Variants in PTPRN2 observed in about 807,000 individuals in gnomAD.
The protein encoded by PTPRN2 is protein tyrosine phosphatase receptor type N2.
Under a neutral mutation model 118.8 loss-of-function variants are expected in PTPRN2, and 74 were observed. The observed-to-expected ratio is 0.62, with a 90% CI of 0.52 to 0.76. The LOEUF is 0.76. PTPRN2 is among the 30% of genes least tolerant of loss of function. The probability of loss-of-function intolerance (pLI) is 0.00; values close to 1 mark genes in which losing one functional copy is unlikely to be tolerated. For missense variants in PTPRN2, 1,481 were observed against 1,394.4 expected, an observed-to-expected ratio of 1.06 and a Z score of -0.99; for synonymous variants, 641 against 608.0, an observed-to-expected ratio of 1.05 and a Z score of -0.80.
intron 11 of PTPRN2, among the ~76,000 whole-genome samples, chr7:157,957,460 A>G (rs11773068): frequency 0.62 from 93,663 of 152,046 alleles, 32,180 homozygotes; most frequent in Non-Finnish European, 0.8. Flanking sequence ...AATCCCTAAG[A>G]AAAACACTGA....
chr7:157,598,811 C>T lies in PTPRN2; in HGVS notation c.2419-3496G>A, dbSNP rs1801499538. On this transcript the variant is annotated intron_variant, in intron 16 of 22. Coordinates refer to ENST00000389418, the MANE Select transcript of PTPRN2 (RefSeq NM_002847.5). The surrounding 1 kb of genome is among the most constrained non-coding windows in gnomAD (Gnocchi z 5.2). The stretch of plus-strand genomic sequence containing the variant: ...TCAAGCACAGAGCTGCTGTGTCCTC[C>T]AGTGGTGTGCGGGGCCAAGCATCTG... 6.6e-6 allele frequency among the ~76,000 whole-genome samples: 1 copy of T among 152,184 alleles called. No individual in the cohort carries two copies. The highest frequency in any genetic ancestry group is 6.5e-5 in the Admixed American group (1 of 15,278).
At chr7:157,776,491 C>T (rs1585435244) in intron 12 of PTPRN2, among the ~76,000 whole-genome samples, 3 of 145,864 alleles carry the variant, frequency 2.1e-5, no homozygotes, top group Admixed American at 6.8e-5. Flanking sequence ...TCCTCCCTCT[C>T]CTTCTCCCTC....
rs73512359 is a variant in PTPRN2, at chr7:158,113,850, C to T, written c.1557-2935G>A. On this transcript the variant is annotated intron_variant, in intron 9 of 22. Transcript: ENST00000389418. ...CAGGACTTCGAGGCACGTAGCAATC[C>T]GGGACCAGCTGGGGCACAGGCCGCC... Among the ~76,000 whole-genome samples, 1,092 of 152,192 alleles carry T rather than the reference C, an allele frequency of 7.2e-3. 20 individuals are homozygous for T. Among genetic ancestry groups the T allele is most frequent in the African/African-American group, 0.025 (1,043 of 41,528 alleles).
At chr7:157,660,384 G>C (rs997993532) in intron 13 of PTPRN2, among the ~76,000 whole-genome samples, 5 of 152,132 alleles carry the variant, frequency 3.3e-5, no homozygotes, top group Non-Finnish European at 5.9e-5. Context: ...AAGCCACCAA[G>C]AGGCCCCACA....
chr7:158,452,111 T>A (rs1340677200), intron 2 of PTPRN2, among the ~76,000 whole-genome samples: 1 of 152,158 alleles, frequency 6.6e-6, no homozygotes, highest in African/African-American at 2.4e-5. Context: ...TTCTATTCTT[T>A]CCCTTCAATC....
chr7:158,273,917 G>A (rs1320322426), intron 3 of PTPRN2, among the ~76,000 whole-genome samples: 1 of 144,420 alleles, frequency 6.9e-6, no homozygotes, highest in African/African-American at 2.7e-5. Flanking sequence ...CGCGGGAGGA[G>A]CCGCAGACAC....
chr7:157,784,771 C>T lies in PTPRN2; in HGVS notation c.1789-101834G>A, dbSNP rs1221415967. Reference sequence around the variant, plus strand: ...CTCGACATTTCACCGCAAACCCTGACCCCACACCCGGCCTCTCTGCAGCTA... The same window carrying T: ...CTCGACATTTCACCGCAAACCCTGATCCCACACCCGGCCTCTCTGCAGCTA... On this transcript the variant is annotated intron_variant, in intron 12 of 22. Transcript: ENST00000389418. The surrounding 1 kb of genome is among the most constrained non-coding windows in gnomAD (Gnocchi z 4.6). 6.6e-6 allele frequency among the ~76,000 whole-genome samples: 1 copy of T among 152,166 alleles called. No homozygotes were observed. Among genetic ancestry groups the T allele is most frequent in the Non-Finnish European group, 1.5e-5 (1 of 68,042 alleles).
chr7:157,642,839 A>AAAAAAAAAAAAC (rs1563293062), intron 14 of PTPRN2, among the ~76,000 whole-genome samples: 1 of 148,344 alleles, frequency 6.7e-6, no homozygotes, highest in Non-Finnish European at 1.5e-5. Context: ...AAAAAAAAAA[A>AAAAAAAAAAAAC]AAAAAGCAGC....
chr7:158,432,642 AC>A (rs1816306096), intron 2 of PTPRN2, among the ~76,000 whole-genome samples: 1 of 152,218 alleles, frequency 6.6e-6, no homozygotes, highest in Admixed American at 6.5e-5. Flanking sequence ...CACTTTACAA[AC>A]TTTTTGTTGA....
At chr7:157,970,639 C>T (rs1263669216) in intron 11 of PTPRN2, among the ~76,000 whole-genome samples, 2 of 149,682 alleles carry the variant, frequency 1.3e-5, no homozygotes, top group Non-Finnish European at 3.0e-5. Flanking sequence ...AGAGCGGACC[C>T]CCCCCCCCAC....
chr7:158,585,218 G>C (rs1828847326), intron 1 of PTPRN2, among the ~76,000 whole-genome samples: 1 of 152,190 alleles, frequency 6.6e-6, no homozygotes, highest in Non-Finnish European at 1.5e-5. Context: ...ATTGTGTTCT[G>C]ACAAAATGGC....
intron 12 of PTPRN2, among the ~76,000 whole-genome samples, chr7:157,744,659 A>G (rs1325893482): frequency 6.6e-6 from 1 of 152,156 alleles, no homozygotes; most frequent in Non-Finnish European, 1.5e-5. Context: ...TTCATGTTTA[A>G]ATGTGTGAGG....
chr7:157,855,766 G>T (rs1382269826), intron 12 of PTPRN2, among the ~76,000 whole-genome samples: 1 of 152,184 alleles, frequency 6.6e-6, no homozygotes, highest in Non-Finnish European at 1.5e-5. Context: ...ACTTTTAGAG[G>T]ATGAGGAAAA....
chr7:158,313,495 T>C (rs540824589), intron 3 of PTPRN2, among the ~76,000 whole-genome samples: 1 of 152,286 alleles, frequency 6.6e-6, no homozygotes, highest in African/African-American at 2.4e-5. Flanking sequence ...CTGATACACC[T>C]GGGCAGACGC....
intron 3 of PTPRN2, among the ~76,000 whole-genome samples, chr7:158,269,737 G>T (rs1296148651): frequency 9.1e-6 from 1 of 110,252 alleles, no homozygotes; most frequent in Non-Finnish European, 1.8e-5. Context: ...GAAACAGAGA[G>T]ACAGAGACAG....
intron 2 of PTPRN2, among the ~76,000 whole-genome samples, chr7:158,453,001 G>T (rs1383330557): frequency 6.6e-6 from 1 of 152,244 alleles, no homozygotes; most frequent in Non-Finnish European, 1.5e-5. Flanking sequence ...GCAGCTGCAG[G>T]GCTGGGCATG....
chr7:158,466,717 T>C (rs1819413091), intron 2 of PTPRN2, among the ~76,000 whole-genome samples: 1 of 152,204 alleles, frequency 6.6e-6, no homozygotes, highest in African/African-American at 2.4e-5. Flanking sequence ...TTTTAATTTC[T>C]TGAGGAACCT....
Position 158,147,627 on chromosome 7 carries a change from T to G in PTPRN2, c.911-9112A>C, listed in dbSNP as rs867953767. On this transcript the variant is annotated intron_variant, in intron 6 of 22. Transcript: ENST00000389418. ...GACACCCCATCTCACGCCACGTGTC[T>G]TTCCCCCTCAATGACACCCCATCTC... Among the ~76,000 whole-genome samples the G allele has an allele frequency of 8.9e-5, 5 of 56,146 alleles. No individual in the cohort carries two copies. The East Asian group carries it at 2.0e-3, about 22-fold the overall frequency. 36.8% of individuals were successfully genotyped at this position (56,146 alleles called of 152,430 possible).
intron 21 of PTPRN2, among the ~76,000 whole-genome samples, chr7:157,566,711 G>A (rs1799503019): frequency 6.6e-6 from 1 of 152,272 alleles, no homozygotes; most frequent in African/African-American, 2.4e-5. Flanking sequence ...AATGGAGCCA[G>A]TGAACAGCAG....
Sources: allele counts gnomAD v4.1 joint callset (sites outside exome capture counted in the v4.1 genomes callset), GRCh38; gene constraint gnomAD v4.1.1; non-coding constraint Gnocchi (gnomAD v3.1); transcripts MANE v1.5; gene names NCBI Gene and HGNC (gene_info 2026-07-23, HGNC 2026-07-21).